Variants in SBF2 observed in about 807,000 individuals in gnomAD.
SBF2 encodes the protein SET binding factor 2.
SBF2 carries 112 observed loss-of-function variants against 225.2 expected under a neutral mutation model. That is an observed-to-expected ratio of 0.50 (90% CI 0.43 to 0.58). The LOEUF is 0.58. SBF2 is among the 20% of genes least tolerant of loss of function. The pLI is 0.00. For synonymous variants in SBF2, 763 were observed against 773.3 expected, an observed-to-expected ratio of 0.99 and a Z score of 0.22; for missense variants, 1,996 against 2,206.2, an observed-to-expected ratio of 0.90 and a Z score of 1.91.
chr11:9,970,420 C>T (rs988273457), intron 13 of SBF2, among the ~76,000 whole-genome samples: 5 of 151,864 alleles, frequency 3.3e-5, no homozygotes, highest in Non-Finnish European at 5.9e-5. Flanking sequence ...TTAGCCAGGA[C>T]GGTCTTGATT....
At chr11:10,141,753 C>T (rs1166299661) in intron 2 of SBF2, among the ~76,000 whole-genome samples, 1 of 152,136 alleles carries the variant, frequency 6.6e-6, no homozygotes, top group Non-Finnish European at 1.5e-5. Context: ...AGCATCTATC[C>T]AGTTCTCCAA....
chr11:10,006,690 G>C (rs1948207038), intron 6 of SBF2, among the ~76,000 whole-genome samples: 2 of 152,162 alleles, frequency 1.3e-5, no homozygotes, highest in Non-Finnish European at 2.9e-5. Context: ...GCATAAGAAG[G>C]CTTTCCATGA....
intron 6 of SBF2, among the ~76,000 whole-genome samples, chr11:10,011,452 C>T (rs572548577): frequency 2.6e-5 from 4 of 152,160 alleles, no homozygotes; most frequent in African/African-American, 9.7e-5. Flanking sequence ...CTCCTGGGCT[C>T]AAGTGATCCA....
chr11:10,051,992 CA>C (rs1950083507), intron 2 of SBF2, among the ~76,000 whole-genome samples: 1 of 152,056 alleles, frequency 6.6e-6, no homozygotes, highest in African/African-American at 2.4e-5. Flanking sequence ...GTGGACATTA[CA>C]ATTCTTGAAC....
intron 13 of SBF2, among the ~76,000 whole-genome samples, chr11:9,976,112 T>C (rs553648877): frequency 3.3e-5 from 5 of 149,906 alleles, no homozygotes; most frequent in African/African-American, 1.2e-4. Context: ...CTTGTCTTGC[T>C]GCCCAGGCTG....
chr11:10,230,783 G>A (rs1958807002), intron 1 of SBF2, among the ~76,000 whole-genome samples: 1 of 152,112 alleles, frequency 6.6e-6, no homozygotes, highest in Admixed American at 6.6e-5. Flanking sequence ...TGACAGTTAT[G>A]TATCTTGGAG....
At chr11:10,027,983 C>T (rs1233705137) in intron 6 of SBF2, among the ~76,000 whole-genome samples, 1 of 152,188 alleles carries the variant, frequency 6.6e-6, no homozygotes, top group Non-Finnish European at 1.5e-5. Flanking sequence ...CATCATAGCT[C>T]ATTGCAGTCT....
chr11:10,199,407 T>C (rs1475289795), intron 1 of SBF2, among the ~76,000 whole-genome samples: 1 of 151,846 alleles, frequency 6.6e-6, no homozygotes, highest in East Asian at 1.9e-4. Flanking sequence ...CTTGTGAGAT[T>C]ACCAAAATGC....
At chr11:10,233,862 T>C (rs1958955633) in intron 1 of SBF2, among the ~76,000 whole-genome samples, 2 of 152,304 alleles carry the variant, frequency 1.3e-5, no homozygotes, top group African/African-American at 4.8e-5. Flanking sequence ...ATATACAATC[T>C]TACTCTTGGT....
At chr11:10,083,598 TAG>T (rs760457257) in intron 2 of SBF2, among the ~76,000 whole-genome samples, 2 of 152,112 alleles carry the variant, frequency 1.3e-5, no homozygotes, top group Non-Finnish European at 2.9e-5. Context: ...TGATTTCTGA[TAG>T]AGTCAACAAA....
chr11:9,976,153 A>C (rs1014780161), intron 13 of SBF2, among the ~76,000 whole-genome samples: 20 of 145,764 alleles, frequency 1.4e-4, no homozygotes, highest in Non-Finnish European at 2.8e-4. Context: ...GGCTCACTGC[A>C]ACCTTTGCCT....
At chr11:9,875,424 G>C (rs1859145559) in intron 17 of SBF2, among the ~76,000 whole-genome samples, 1 of 152,120 alleles carries the variant, frequency 6.6e-6, no homozygotes, top group South Asian at 2.1e-4. Flanking sequence ...CTAGTGGTTT[G>C]CTATTTATGT....
At chr11:10,096,228 T>C (rs1382059983) in intron 2 of SBF2, among the ~76,000 whole-genome samples, 1 of 152,146 alleles carries the variant, frequency 6.6e-6, no homozygotes, top group Non-Finnish European at 1.5e-5. Flanking sequence ...AGCTAGTTTA[T>C]CATCAAGTTT....
intron 16 of SBF2, among the ~76,000 whole-genome samples, chr11:9,940,679 T>G (rs779845177): frequency 2.6e-5 from 4 of 152,228 alleles, no homozygotes; most frequent in African/African-American, 4.8e-5. Context: ...TGTCAGGTAT[T>G]TGGTTTGGCC....
intron 1 of SBF2, among the ~76,000 whole-genome samples, chr11:10,221,382 T>C (rs1668034436): frequency 6.6e-6 from 1 of 152,090 alleles, no homozygotes; most frequent in Admixed American, 6.6e-5. Context: ...CCTCCTAAAG[T>C]GCTGGGATTA....
intron 2 of SBF2, among the ~76,000 whole-genome samples, chr11:10,100,294 G>A (rs886401889): frequency 3.9e-5 from 6 of 152,194 alleles, no homozygotes; most frequent in Admixed American, 6.5e-5. Context: ...CCTAGGCAGC[G>A]GGCAGGGTGA....
At chr11:10,028,592 A>C in intron 5 of SBF2, 35 bp from the exon 6 acceptor site, 1 of 1,284,584 alleles carries the variant, frequency 7.8e-7, no homozygotes, top group Non-Finnish European at 1.1e-6. Context: ...ACACACACAC[A>C]CGATTTCAGC....
chr11:9,881,431 T>C (rs1859751867), intron 17 of SBF2, among the ~76,000 whole-genome samples: 1 of 152,134 alleles, frequency 6.6e-6, no homozygotes, highest in Admixed American at 6.5e-5. Context: ...AACGAGTAAC[T>C]GTTAATTGTT....
At chr11:10,095,591 A>T (rs775871413) in intron 2 of SBF2, among the ~76,000 whole-genome samples, 1 of 152,200 alleles carries the variant, frequency 6.6e-6, no homozygotes, top group African/African-American at 2.4e-5. Flanking sequence ...AATATGGCAT[A>T]GAGTAAGAAA....
Sources: gnomAD v4.1 joint callset for allele counts (sites outside exome capture counted in the v4.1 genomes callset) on GRCh38, gnomAD v4.1.1 for gene constraint, MANE v1.5 for transcripts, NCBI Gene and HGNC (gene_info 2026-07-23, HGNC 2026-07-21) for gene names.